DRC4: variants seen among roughly 807,000 people sequenced by gnomAD.
DRC4 encodes GAS-11.
the DRC4 span, chr16:90,031,489 A>G: frequency 6.4e-7 from 1 of 1,561,734 alleles, no homozygotes; most frequent in Non-Finnish European, 8.7e-7. Flanking sequence ...CACCAGGTGG[A>G]GATCAAGGTG....
the DRC4 span, chr16:90,035,484 C>G: frequency 1.0e-6 from 1 of 987,394 alleles, no homozygotes. Flanking sequence ...TGTTCATGTT[C>G]TCTCTCAAGC....
the DRC4 span, chr16:90,028,802 T>C: frequency 1.5e-6 from 1 of 655,972 alleles, no homozygotes; most frequent in Non-Finnish European, 2.2e-6. Context: ...GTGTTATTGT[T>C]AATAAATCTT....
chr16:90,040,122 C>G, the DRC4 span: 2 of 646,448 alleles, frequency 3.1e-6, no homozygotes, highest in African/African-American at 3.6e-5. Flanking sequence ...GTGGATGGCT[C>G]TACAAAGGGC....
the DRC4 span, chr16:90,031,163 T>C: frequency 6.6e-7 from 1 of 1,516,610 alleles, no homozygotes; most frequent in African/African-American, 1.4e-5. Flanking sequence ...ATATTTTAAC[T>C]TTTTACATTT....
At chr16:90,036,636 T>G in the DRC4 span, 2 of 1,518,128 alleles carry the variant, frequency 1.3e-6, no homozygotes, top group African/African-American at 1.4e-5. Context: ...TGTCCTAGAA[T>G]GTGGGCTGCA....
chr16:90,037,024 C>G, the DRC4 span: 2 of 599,654 alleles, frequency 3.3e-6, no homozygotes, highest in South Asian at 4.1e-5. Flanking sequence ...GTCCTTCAGT[C>G]TGCATGGAAG....
the DRC4 span, among the ~76,000 whole-genome samples, chr16:90,031,862 CATGCAAGTGAGCAGGTGG>C: frequency 4.6e-5 from 7 of 152,262 alleles, no homozygotes; most frequent in East Asian, 1.2e-3. Flanking sequence ...AAAGGTGAGG[CATGCAAGTGAGCAGGTGG>C]ATGCAAGTGA....
At chr16:90,042,108 T>G in the DRC4 span, among the ~76,000 whole-genome samples, 1 of 151,946 alleles carries the variant, frequency 6.6e-6, no homozygotes, top group Non-Finnish European at 1.5e-5. Context: ...CCCGGCTACT[T>G]TTCGTATAGT....
the DRC4 span, among the ~76,000 whole-genome samples, chr16:90,024,141 C>A: frequency 1.4e-4 from 20 of 143,010 alleles, no homozygotes; most frequent in Non-Finnish European, 2.5e-4. Flanking sequence ...CACACACACT[C>A]ACACACACAC....
chr16:90,028,392 G>T, the DRC4 span, among the ~76,000 whole-genome samples: 3 of 151,692 alleles, frequency 2.0e-5, no homozygotes, highest in South Asian at 6.3e-4. Context: ...GTTTCACCGT[G>T]TTAGCCAGGA....
At chr16:90,040,529 C>G in the DRC4 span, 1 of 1,573,182 alleles carries the variant, frequency 6.4e-7, no homozygotes, top group Admixed American at 1.8e-5. Context: ...AGACAGGCTC[C>G]TGACCCCAGT....
the DRC4 span, chr16:90,037,349 G>A: frequency 1.8e-5 from 29 of 1,613,920 alleles, no homozygotes; most frequent in South Asian, 1.4e-4. Flanking sequence ...GGAGATGAGC[G>A]AGATGCAGAA....
At chr16:90,022,825 G>T in the DRC4 span, 12 of 1,134,456 alleles carry the variant, frequency 1.1e-5, no homozygotes, top group African/African-American at 1.5e-4. Context: ...TGGGAGGCCT[G>T]GAGCGCTGGG....
chr16:90,030,876 C>A, the DRC4 span, among the ~76,000 whole-genome samples: 1 of 152,170 alleles, frequency 6.6e-6, no homozygotes, highest in African/African-American at 2.4e-5. Flanking sequence ...CCTCAGCCTC[C>A]CAGAGTGCTG....
the DRC4 span, among the ~76,000 whole-genome samples, chr16:90,021,070 A>T: frequency 1.3e-5 from 2 of 152,252 alleles, no homozygotes; most frequent in Non-Finnish European, 2.9e-5. Flanking sequence ...CAGACTTCAC[A>T]GAGGCCTCAG....
chr16:90,027,680 G>T, the DRC4 span: 1 of 1,614,016 alleles, frequency 6.2e-7, no homozygotes, highest in Non-Finnish European at 8.5e-7. Flanking sequence ...AAGGCACCCC[G>T]ATTGTCGATG....
At chr16:90,043,004 CCT>C in the DRC4 span, 3 of 591,010 alleles carry the variant, frequency 5.1e-6, no homozygotes. Context: ...ACAGCCTCTC[CCT>C]GTCGTGCTAC....
chr16:90,028,668 A>G, the DRC4 span, among the ~76,000 whole-genome samples: 1 of 152,116 alleles, frequency 6.6e-6, no homozygotes, highest in African/African-American at 2.4e-5. Context: ...CATAATTACA[A>G]TTTTACCTAA....
chr16:90,044,473 AG>A, the DRC4 span: 2 of 470,264 alleles, frequency 4.3e-6, no homozygotes, highest in African/African-American at 4.0e-5. Context: ...CATGAGCCTC[AG>A]CCCCCTCCAG....
Sources: gnomAD v4.1 joint callset for allele counts (sites outside exome capture counted in the v4.1 genomes callset) on GRCh38, gnomAD v4.1.1 for gene constraint, MANE v1.5 for transcripts, NCBI Gene and HGNC (gene_info 2026-07-23, HGNC 2026-07-21) for gene names.